The following TMEM201 variants were observed in gnomAD, a reference collection of about 807,000 sequenced individuals.
The protein encoded by TMEM201 is transmembrane protein 201.
TMEM201 carries 26 observed loss-of-function variants against 63.4 expected under a neutral mutation model. The observed-to-expected ratio is 0.41, with a 90% CI of 0.30 to 0.57. The LOEUF is 0.57. Among genes scored for constraint, TMEM201 ranks in the 20% least tolerant of loss-of-function variants. The pLI is 0.29. For synonymous variants in TMEM201, 417 were observed against 421.6 expected, an observed-to-expected ratio of 0.99 and a Z score of 0.14; for missense variants, 794 against 917.7, an observed-to-expected ratio of 0.87 and a Z score of 1.74.
intron 6 of TMEM201, chr1:9,602,610 A>C (rs1448455323): frequency 8.2e-7 from 1 of 1,221,926 alleles, no homozygotes. Flanking sequence ...TCCTACTGGC[A>C]GCTCCAGGCA....
chr1:9,597,374 C>T (rs565975112), intron 3 of TMEM201, among the ~76,000 whole-genome samples: 7 of 152,314 alleles, frequency 4.6e-5, no homozygotes, highest in East Asian at 1.9e-4. Context: ...TGTCCCTGGG[C>T]AGAGGGAGGA....
chr1:9,600,335 G>C (rs1172344820), intron 4 of TMEM201, among the ~76,000 whole-genome samples: 1 of 152,134 alleles, frequency 6.6e-6, no homozygotes, highest in East Asian at 1.9e-4. Flanking sequence ...CTTTCTACGT[G>C]GCCCTGTGCA....
chr1:9,609,826 C>T lies in TMEM201; in HGVS notation c.1394-14C>T. 1.3e-6 allele frequency: 2 copies of T among 1,551,280 alleles called. No homozygotes were observed. Among genetic ancestry groups the T allele is most frequent in the Non-Finnish European group, 1.7e-6 (2 of 1,146,898 alleles). On this transcript the variant is annotated splice_polypyrimidine_tract_variant and intron_variant, in intron 7 of 10. Coordinates refer to ENST00000340381, the MANE Select transcript of TMEM201 (RefSeq NM_001130924.3). ...CACAGGCCTGACGTGTCGCCCGCTT[C>T]TCTCTGTCTCCAGACTCCGGCTATC... is the stretch of plus-strand genomic sequence containing the variant.
At chr1:9,602,307 A>G (rs1352901431) in intron 6 of TMEM201, 35 bp downstream of exon 6, 1 of 1,605,276 alleles carries the variant, frequency 6.2e-7, no homozygotes, top group Non-Finnish European at 8.5e-7. Context: ...GGGGGAGGAC[A>G]CACGGATGCT....
chr1:9,601,698 C>T (rs1644146451), intron 5 of TMEM201, among the ~76,000 whole-genome samples: 1 of 152,136 alleles, frequency 6.6e-6, no homozygotes, highest in African/African-American at 2.4e-5. Flanking sequence ...CTCTCCTCCT[C>T]GGGCTCTGTC....
In TMEM201 at chr1:9,613,315, C is replaced by T. The variant is rs1200143145; in HGVS notation, c.*232C>T. On this transcript the variant is annotated 3_prime_UTR_variant, in exon 11 of 11. Transcript: ENST00000340381. ...GCCCACTCACCTCCTTGGCTGACAT[C>T]GGTTGTGTTTGGTGCTGACACTCTG... 6 of 575,244 alleles carry T rather than the reference C, an allele frequency of 1.0e-5. No homozygotes were observed. Among genetic ancestry groups the T allele is most frequent in the Non-Finnish European group, 9.3e-6 (3 of 321,768 alleles). The allele number at this position is 575,244 out of a possible 1,614,324, so 35.6% of individuals were successfully genotyped here. A position where few individuals can be genotyped will look rare whatever the true frequency, so the allele number is the denominator to read the frequency against.
Position 9,596,873 on chromosome 1 carries a change from C to T in TMEM201, c.249C>T (p.Asn83=), listed in dbSNP as rs1316572187. The T allele has an allele frequency of 3.3e-5, 52 of 1,592,392 alleles. No individual in the cohort carries two copies. The highest frequency in any genetic ancestry group is 4.5e-5 in the Non-Finnish European group (52 of 1,163,802). ...YNGFQENGDY[N]KPIPAQYLEH... ...CTCTCCCGCAGAACGGCGACTACAA[C>T]AAGCCGATCCCCGCCCAGTACTTGG... Residue 83 remains asparagine (N), a synonymous_variant, in exon 3 of 11, where the codon AAC becomes AAT. Transcript: ENST00000340381.
intron 4 of TMEM201, among the ~76,000 whole-genome samples, chr1:9,600,885 A>G (rs1263841010): frequency 6.6e-6 from 1 of 152,170 alleles, no homozygotes; most frequent in Non-Finnish European, 1.5e-5. Flanking sequence ...AGGTCACTAC[A>G]ATATGGAAAG....
chr1:9,603,183 C>T lies in TMEM201; in HGVS notation c.1160+911C>T, dbSNP rs116302040. The T allele has an allele frequency of 3.6e-4, 359 of 985,556 alleles. No individual in the cohort carries two copies. The African/African-American group carries it at 5.8e-3, about 16-fold the overall frequency. 61.1% of individuals were successfully genotyped at this position (985,556 alleles called of 1,614,324 possible). Reference sequence around the variant, plus strand: ...TCACCATGGCCCAGCGCCACTCTGTCCTCCGACTCAGGTGAGGGGGCAGCC... The same window carrying T: ...TCACCATGGCCCAGCGCCACTCTGTTCTCCGACTCAGGTGAGGGGGCAGCC... On this transcript the variant is annotated intron_variant, in intron 6 of 10. Coordinates refer to ENST00000340381, the MANE Select transcript of TMEM201 (RefSeq NM_001130924.3). This position sits in a 1 kb window ranked among gnomAD's most constrained non-coding sequence, Gnocchi z 4.5.
At chr1:9,590,531 A>T (rs975290482) in intron 1 of TMEM201, among the ~76,000 whole-genome samples, 2 of 152,090 alleles carry the variant, frequency 1.3e-5, no homozygotes, top group Non-Finnish European at 2.9e-5. Flanking sequence ...GTCCTCAGGG[A>T]TGCTGTCTCC....
chr1:9,594,852 TC>T (rs1643986564), intron 1 of TMEM201, among the ~76,000 whole-genome samples: 1 of 152,240 alleles, frequency 6.6e-6, no homozygotes. Context: ...TACAGGAACT[TC>T]CTGGGGCTCC....
intron 9 of TMEM201, chr1:9,611,199 C>CT (rs70979767): frequency 0.011 from 4,121 of 365,580 alleles, no homozygotes; most frequent in South Asian, 0.021. Flanking sequence ...TGTAGATTTC[C>CT]TTTTTTTTTT....
intron 1 of TMEM201, 103 bp downstream of exon 1, chr1:9,589,146 C>T: frequency 2.3e-6 from 1 of 434,588 alleles, no homozygotes; most frequent in Non-Finnish European, 3.0e-6. Flanking sequence ...CCCGGGCTGC[C>T]CGCGGGCGCG....
At chr1:9,597,629 C>T (rs1644050838) in intron 3 of TMEM201, among the ~76,000 whole-genome samples, 1 of 152,216 alleles carries the variant, frequency 6.6e-6, no homozygotes, top group African/African-American at 2.4e-5. Context: ...CTGGCTGCTC[C>T]TTCCTGCCCT....
Position 9,607,538 on chromosome 1 carries a change from G to A in TMEM201, c.1161-19G>A. 1 of 1,534,452 alleles carries A rather than the reference G, an allele frequency of 6.5e-7. No individual in the cohort carries two copies. The highest frequency in any genetic ancestry group is 8.8e-7 in the Non-Finnish European group (1 of 1,136,990). ...CCCGCTGACCCTCTTCTTGTCCCGT[G>A]CCTGACGGGCCCTTGCAGGTTCTTC... On this transcript the variant is annotated intron_variant, in intron 6 of 10. Transcript: ENST00000340381. The surrounding 1 kb of genome is among the most constrained non-coding windows in gnomAD (Gnocchi z 5.4).
chr1:9,598,751 A>G (rs9430183), intron 4 of TMEM201, 126 bp downstream of exon 4: 736,405 of 902,682 alleles, frequency 0.82, 301,848 homozygotes, highest in Admixed American at 0.89. Context: ...TTTTTATTTT[A>G]TTTTATTTTA....
chr1:9,602,966 C>T, intron 6 of TMEM201: 1 of 985,556 alleles, frequency 1.0e-6, no homozygotes, highest in Non-Finnish European at 1.2e-6. Context: ...AGTTCTTGGG[C>T]CCAGCCTGGC....
In TMEM201 at chr1:9,601,430, C is replaced by T; in HGVS notation, c.932C>T (p.Ala311Val). The stretch of plus-strand genomic sequence containing the variant: ...CTGGGCCTACTCACCTGCCTGCTGG[C>T]AATGCTGCTGGCTGGCCGCATCAGG... ...VALGLLTCLL[A>V]MLLAGRIRLR... The change falls in exon 5 of 11, where the codon GCA (alanine) becomes GTA (valine). Residue 311 changes from alanine (A) to valine (V), a missense_variant. Coordinates refer to ENST00000340381, the MANE Select transcript of TMEM201 (RefSeq NM_001130924.3). 2 of 1,591,482 alleles carry T rather than the reference C, an allele frequency of 1.3e-6. No homozygotes were observed. The highest frequency in any genetic ancestry group is 1.7e-6 in the Non-Finnish European group (2 of 1,173,178).
Position 9,603,072 on chromosome 1 carries a change from G to T in TMEM201, c.1160+800G>T. On this transcript the variant is annotated intron_variant, in intron 6 of 10. Transcript: ENST00000340381. The surrounding 1 kb of genome is among the most constrained non-coding windows in gnomAD (Gnocchi z 4.5). ...ATCTGAGCTTTTCCAAGGGTAAGGG[G>T]CCCAGGGTATGCAGGCCTTCAGTGA... 1 of 985,454 alleles carries T rather than the reference G, an allele frequency of 1.0e-6. No individual in the cohort carries two copies. Among genetic ancestry groups the T allele is most frequent in the Non-Finnish European group, 1.2e-6 (1 of 829,968 alleles). 61.0% of individuals were successfully genotyped at this position (985,454 alleles called of 1,614,324 possible). A position where few individuals can be genotyped will look rare whatever the true frequency, so the allele number is the denominator to read the frequency against.
Sources: allele counts gnomAD v4.1 joint callset (sites outside exome capture counted in the v4.1 genomes callset), GRCh38; gene constraint gnomAD v4.1.1; non-coding constraint Gnocchi (gnomAD v3.1); transcripts MANE v1.5; gene names NCBI Gene and HGNC (gene_info 2026-07-23, HGNC 2026-07-21).